The following SLCO6A1 variants were observed in gnomAD, a reference collection of about 807,000 sequenced individuals.
The protein encoded by SLCO6A1 is solute carrier organic anion transporter family member 6A1.
A neutral mutation model predicts 72.7 loss-of-function variants in SLCO6A1; 65 were observed. The observed-to-expected ratio is 0.89, with a 90% CI of 0.73 to 1.10. The LOEUF (loss-of-function observed/expected upper bound fraction) is 1.10. Ranked by LOEUF, SLCO6A1 falls within the 50% of genes least tolerant of loss-of-function variation. The pLI is 0.00. For synonymous variants in SLCO6A1, 314 were observed against 298.2 expected (o/e 1.05, Z -0.55); for missense variants, 874 against 872.6 (o/e 1.00, Z -0.02).
chr5:102,450,817 C>T (rs1245227647), intron 6 of SLCO6A1, among the ~76,000 whole-genome samples: 1 of 152,180 alleles, frequency 6.6e-6, no homozygotes, highest in Non-Finnish European at 1.5e-5. Flanking sequence ...GAGCAGGGGG[C>T]TCACAGGCAA....
intron 12 of SLCO6A1, among the ~76,000 whole-genome samples, chr5:102,383,401 T>A (rs570016515): frequency 2.0e-5 from 3 of 151,806 alleles, no homozygotes; most frequent in East Asian, 3.9e-4. Flanking sequence ...AGGATTTTTA[T>A]CATGAAATGA....
At chr5:102,452,962 T>C (rs566440586) in intron 6 of SLCO6A1, among the ~76,000 whole-genome samples, 36 of 152,332 alleles carry the variant, frequency 2.4e-4, no homozygotes, top group African/African-American at 8.2e-4. Context: ...GATAGAACTA[T>C]AGAATTAATA....
At chr5:102,420,104 G>T in intron 7 of SLCO6A1, 83 bp from the exon 8 acceptor site, 1 of 1,136,264 alleles carries the variant, frequency 8.8e-7, no homozygotes, top group Non-Finnish European at 1.2e-6. Flanking sequence ...AATTTCCTTT[G>T]CTCTAAACAT....
At chr5:102,431,942 AT>A (rs1444047013) in intron 7 of SLCO6A1, among the ~76,000 whole-genome samples, 1 of 152,148 alleles carries the variant, frequency 6.6e-6, no homozygotes, top group Non-Finnish European at 1.5e-5. Context: ...TATATTTAGG[AT>A]AGTTAGGTCT....
At chr5:102,451,183 C>A (rs1561472092) in intron 6 of SLCO6A1, among the ~76,000 whole-genome samples, 1 of 152,160 alleles carries the variant, frequency 6.6e-6, no homozygotes, top group Non-Finnish European at 1.5e-5. Flanking sequence ...GCTCATTGCT[C>A]CCTATCGAGC....
intron 6 of SLCO6A1, among the ~76,000 whole-genome samples, chr5:102,447,793 T>C (rs1168248563): frequency 6.6e-6 from 1 of 152,212 alleles, no homozygotes; most frequent in Non-Finnish European, 1.5e-5. Flanking sequence ...CCTAGTGGTC[T>C]ATCAATCTTA....
intron 6 of SLCO6A1, among the ~76,000 whole-genome samples, chr5:102,452,078 C>T (rs1750444605): frequency 1.3e-5 from 2 of 152,216 alleles, no homozygotes; most frequent in Admixed American, 1.3e-4. Flanking sequence ...TAATAGCTCA[C>T]ATTCATTTTG....
chr5:102,405,061 T>C (rs921310054), intron 9 of SLCO6A1, among the ~76,000 whole-genome samples: 1 of 152,172 alleles, frequency 6.6e-6, no homozygotes, highest in Non-Finnish European at 1.5e-5. Flanking sequence ...TTATTTGTTA[T>C]ACAATTTTAC....
chr5:102,442,665 C>T (rs556576773), intron 6 of SLCO6A1, among the ~76,000 whole-genome samples: 1 of 152,318 alleles, frequency 6.6e-6, no homozygotes, highest in East Asian at 1.9e-4. Flanking sequence ...TTAAAAGGAA[C>T]AGACGCTGTT....
chr5:102,493,802 A>G (rs981090200), intron 1 of SLCO6A1, among the ~76,000 whole-genome samples: 1 of 152,196 alleles, frequency 6.6e-6, no homozygotes, highest in African/African-American at 2.4e-5. Flanking sequence ...ACAAAGATGC[A>G]GGATAGAAGA....
chr5:102,398,138 T>A (rs955250905), intron 10 of SLCO6A1, among the ~76,000 whole-genome samples: 1 of 152,168 alleles, frequency 6.6e-6, no homozygotes, highest in South Asian at 2.1e-4. Context: ...AATCATAGAT[T>A]TCTCCATATT....
intron 1 of SLCO6A1, among the ~76,000 whole-genome samples, chr5:102,486,116 T>A (rs930327634): frequency 1.3e-5 from 2 of 152,194 alleles, no homozygotes; most frequent in Non-Finnish European, 2.9e-5. Flanking sequence ...TTCACCAAAT[T>A]TAGCTATGTA....
intron 7 of SLCO6A1, among the ~76,000 whole-genome samples, chr5:102,431,555 T>A (rs1749218058): frequency 6.6e-6 from 1 of 152,170 alleles, no homozygotes; most frequent in Admixed American, 6.5e-5. Context: ...GCAATTTAAT[T>A]AGTCTTGATT....
At chr5:102,458,302 G>T in intron 6 of SLCO6A1, 80 bp downstream of exon 6, 1 of 1,038,258 alleles carries the variant, frequency 9.6e-7, no homozygotes, top group Non-Finnish European at 1.4e-6. Flanking sequence ...AACCCTTTAT[G>T]GGTATTTTCA....
At chr5:102,474,392 A>G (rs1432909249) in intron 4 of SLCO6A1, among the ~76,000 whole-genome samples, 1 of 152,050 alleles carries the variant, frequency 6.6e-6, no homozygotes, top group Non-Finnish European at 1.5e-5. Flanking sequence ...ATGAAGTTGG[A>G]ACCTTACCTT....
intron 7 of SLCO6A1, among the ~76,000 whole-genome samples, chr5:102,427,840 G>GTATATATATATATATATA (rs1192315166): frequency 1.9e-5 from 2 of 102,748 alleles, no homozygotes; most frequent in African/African-American, 7.0e-5. Flanking sequence ...GTGTGTGTAT[G>GTATATATATATATATATA]TATACATATA....
At chr5:102,382,573 G>GTA in intron 12 of SLCO6A1, among the ~76,000 whole-genome samples, 1 of 151,412 alleles carries the variant, frequency 6.6e-6, no homozygotes, top group East Asian at 1.9e-4. Context: ...GTCACTCTGG[G>GTA]TACTATGAAC....
intron 8 of SLCO6A1, among the ~76,000 whole-genome samples, chr5:102,415,732 T>TTG (rs1748247458): frequency 6.6e-6 from 1 of 152,002 alleles, no homozygotes; most frequent in Non-Finnish European, 1.5e-5. Context: ...TAAAAAGCTT[T>TTG]TGCACAGCAA....
In SLCO6A1 at chr5:102,427,864, ATTTTT is replaced by A. The variant is rs1200200259; in HGVS notation, c.1277-7848_1277-7844del. On this transcript the variant is annotated intron_variant, in intron 7 of 13. Coordinates refer to ENST00000506729, the MANE Select transcript of SLCO6A1 (RefSeq NM_173488.5). ...TGTATACATATATATATATATATAT[ATTTTT>A]TTTTTTTTTTTTTTTTTTGAGACCG... Among the ~76,000 whole-genome samples the A allele has an allele frequency of 4.0e-3, 303 of 76,184 alleles. 2 individuals carry two copies. The highest frequency in any genetic ancestry group is 0.017 in the African/African-American group (289 of 17,020). The allele number at this position is 76,184 out of a possible 152,430, so 50.0% of individuals were successfully genotyped here. A position where few individuals can be genotyped will look rare whatever the true frequency, so the allele number is the denominator to read the frequency against.
Sources: gnomAD v4.1 joint callset for allele counts (sites outside exome capture counted in the v4.1 genomes callset) on GRCh38, gnomAD v4.1.1 for gene constraint, MANE v1.5 for transcripts, NCBI Gene and HGNC (gene_info 2026-07-23, HGNC 2026-07-21) for gene names.